ATXN2L: variants seen among roughly 807,000 people sequenced by gnomAD.
ATXN2L encodes ataxin 2 like.
A neutral mutation model predicts 120.7 loss-of-function variants in ATXN2L; 24 were observed. That is an observed-to-expected ratio of 0.20 (90% CI 0.14 to 0.28). The LOEUF (loss-of-function observed/expected upper bound fraction) is 0.28, where lower values mean the gene tolerates loss of function less well. ATXN2L is among the 10% of genes least tolerant of loss of function. ATXN2L has a pLI of 1.00. For synonymous variants in ATXN2L, 653 were observed against 568.1 expected (o/e 1.15, Z -2.13); for missense variants, 1,312 against 1,432.3 (o/e 0.92, Z 1.36).
chr16:28,832,152 C>T, intron 10 of ATXN2L, 53 bp from the exon 11 acceptor site: 2 of 1,579,114 alleles, frequency 1.3e-6, no homozygotes, highest in Non-Finnish European at 8.7e-7. Context: ...GGCCCTTGTA[C>T]TCACTGCTGT....
chr16:28,836,393 C>T lies in ATXN2L; in HGVS notation c.*128C>T. On this transcript the variant is annotated 3_prime_UTR_variant, in exon 22 of 22. Transcript: ENST00000336783. The stretch of plus-strand genomic sequence containing the variant: ...TTGCTCCTGGCTCTGTCCTTTGCTT[C>T]CCTCCGTCCTCGCTCAGTTGTGATC... 1 of 1,613,532 alleles carries T rather than the reference C, an allele frequency of 6.2e-7. No individual in the cohort carries two copies. Among genetic ancestry groups the T allele is most frequent in the Non-Finnish European group, 8.5e-7 (1 of 1,179,932 alleles).
At chr16:28,834,003 T>G in intron 15 of ATXN2L, 62 bp from the exon 16 acceptor site, 2 of 1,551,276 alleles carry the variant, frequency 1.3e-6, no homozygotes, top group South Asian at 2.3e-5. Context: ...ATTACCACTC[T>G]AGGCATGGCC....
rs573609543 is a variant in ATXN2L at position 28,835,365 on chromosome 16, C to T, written c.2651C>T (p.Pro884Leu). 5.6e-6 allele frequency: 9 copies of T among 1,613,204 alleles called. No homozygotes were observed. Among genetic ancestry groups the T allele is most frequent in the Admixed American group, 1.7e-5 (1 of 59,998 alleles). ...QPATTPTGSQPQSQHAAPSPV... is the reference protein window; with the variant it reads ...QPATTPTGSQLQSQHAAPSPV... Reference sequence around the variant, plus strand: ...GCTACCACGCCTACTGGAAGCCAGCCGCAGTCCCAGCATGCGGCCCCCAGT... The same window carrying T: ...GCTACCACGCCTACTGGAAGCCAGCTGCAGTCCCAGCATGCGGCCCCCAGT... Residue 884 changes from proline (P) to leucine (L), a missense_variant, in exon 20 of 22, where the codon CCG becomes CTG. Physicochemically the swap from Pro to Leu is moderately conservative, Grantham distance 98. Transcript: ENST00000336783.
At chr16:28,832,446 T>A (rs1315691702) in intron 11 of ATXN2L, 47 bp downstream of exon 11, 1 of 1,612,370 alleles carries the variant, frequency 6.2e-7, no homozygotes, top group South Asian at 1.1e-5. Flanking sequence ...TTAGTGTGAT[T>A]TGTGGTTCTG....
In ATXN2L at chr16:28,834,487, T is replaced by TC; in HGVS notation, c.2246-18dup. On this transcript the variant is annotated intron_variant, in intron 17 of 21. Coordinates refer to ENST00000336783, the MANE Select transcript of ATXN2L (RefSeq NM_007245.4). ...CTGGCAGGTGGAGCTTGAGCTCTCCTCTCCTCCTCCTCTTCCAGGCTCCCT... is the reference window on the plus strand; with the variant it reads ...CTGGCAGGTGGAGCTTGAGCTCTCCTCCTCCTCCTCCTCTTCCAGGCTCCCT... 2 of 1,612,746 alleles carry TC rather than the reference T, an allele frequency of 1.2e-6. No individual in the cohort carries two copies. The highest frequency in any genetic ancestry group is 1.7e-6 in the Non-Finnish European group (2 of 1,179,616).
intron 16 of ATXN2L, 53 bp from the exon 17 acceptor site, chr16:28,834,290 G>T (rs751261209): frequency 3.1e-5 from 50 of 1,611,954 alleles, no homozygotes; most frequent in Non-Finnish European, 4.1e-5. Flanking sequence ...GGTCAGGCCT[G>T]TCTGGGCATT....
In ATXN2L at chr16:28,837,040, G is replaced by A; in HGVS notation, c.*775G>A. 1 of 657,294 alleles carries A rather than the reference G, an allele frequency of 1.5e-6. No individual in the cohort carries two copies. Among genetic ancestry groups the A allele is most frequent in the South Asian group, 1.5e-5 (1 of 65,770 alleles). 40.7% of individuals were successfully genotyped at this position (657,294 alleles called of 1,614,324 possible). On this transcript the variant is annotated 3_prime_UTR_variant, in exon 22 of 22. Transcript: ENST00000336783. Reference sequence around the variant, plus strand: ...CATCCTCTCATCTATTCCCCCGCTGGAGACGGAAGATCTTTTATTTTCTAT... The same window carrying A: ...CATCCTCTCATCTATTCCCCCGCTGAAGACGGAAGATCTTTTATTTTCTAT...
At position 28,823,156 on chromosome 16, in the gene ATXN2L, C is replaced by T; in HGVS notation, c.-104C>T. 1.3e-6 allele frequency: 1 copy of T among 740,986 alleles called. No individual in the cohort carries two copies. The highest frequency in any genetic ancestry group is 1.9e-6 in the Non-Finnish European group (1 of 537,760). 45.9% of individuals were successfully genotyped at this position (740,986 alleles called of 1,614,324 possible). A position where few individuals can be genotyped will look rare whatever the true frequency, so the allele number is the denominator to read the frequency against. ...CCCCCCGCCCGCCCACGGCGGGCCC[C>T]GGCTGCCCGATCCCCCTCGCTTCCC... On this transcript the variant is annotated 5_prime_UTR_variant, in exon 1 of 22. Coordinates refer to ENST00000336783, the MANE Select transcript of ATXN2L (RefSeq NM_007245.4).
intron 6 of ATXN2L, among the ~76,000 whole-genome samples, chr16:28,828,757 G>GT (rs948858285): frequency 1.1e-4 from 17 of 150,762 alleles, no homozygotes; most frequent in Admixed American, 5.3e-4. Context: ...TTTTGTTTTT[G>GT]TTTTTTTTGG....
chr16:28,825,150 G>C (rs2051375479), intron 1 of ATXN2L, among the ~76,000 whole-genome samples: 1 of 151,942 alleles, frequency 6.6e-6, no homozygotes, highest in Non-Finnish European at 1.5e-5. Context: ...CTTGGAGGTT[G>C]AGGCTACAGT....
chr16:28,827,201 A>G (rs1257423421), intron 6 of ATXN2L, among the ~76,000 whole-genome samples: 2 of 152,230 alleles, frequency 1.3e-5, no homozygotes, highest in South Asian at 2.1e-4. Context: ...TGGGAGGCCA[A>G]GGCCGGTGGG....
rs1234648230 is a variant in ATXN2L, at chr16:28,830,804, T to C, written c.1210+14T>C. 1 of 1,577,366 alleles carries C rather than the reference T, an allele frequency of 6.3e-7. No homozygotes were observed. Among genetic ancestry groups the C allele is most frequent in the Non-Finnish European group, 8.6e-7 (1 of 1,162,628 alleles). The stretch of plus-strand genomic sequence containing the variant: ...GTATCAATGGAGGTGAGTTATGAGG[T>C]GACTTTGAGGAAGAGGGCAGGGAAG... On this transcript the variant is annotated intron_variant, in intron 9 of 21. Coordinates refer to ENST00000336783, the MANE Select transcript of ATXN2L (RefSeq NM_007245.4).
Position 28,836,837 on chromosome 16 carries a change from C to CT in ATXN2L, c.*574dup. 1 of 1,604,880 alleles carries CT rather than the reference C, an allele frequency of 6.2e-7. No homozygotes were observed. The highest frequency in any genetic ancestry group is 8.5e-7 in the Non-Finnish European group (1 of 1,172,856). On this transcript the variant is annotated 3_prime_UTR_variant, in exon 22 of 22. Coordinates refer to ENST00000336783, the MANE Select transcript of ATXN2L (RefSeq NM_007245.4). ...GTGGAGGGAAGAGTGATCTATGTCT[C>CT]TTCCCCCAGCAGCTCGGACCACTCC... is the stretch of plus-strand genomic sequence containing the variant.
chr16:28,828,607 T>A (rs1184207634), intron 6 of ATXN2L, among the ~76,000 whole-genome samples: 1 of 150,890 alleles, frequency 6.6e-6, no homozygotes, highest in Non-Finnish European at 1.5e-5. Context: ...AAAAAAAAAA[T>A]TGCAGTTATT....
chr16:28,825,462 A>AAT (rs1322993471), intron 2 of ATXN2L, 60 bp downstream of exon 2: 1 of 1,574,842 alleles, frequency 6.3e-7, no homozygotes, highest in East Asian at 2.2e-5. Flanking sequence ...ATAATGTGGG[A>AAT]ATATAGGGCA....
chr16:28,824,068 G>C (rs1230252860), intron 1 of ATXN2L: 3 of 1,002,456 alleles, frequency 3.0e-6, no homozygotes, highest in South Asian at 7.2e-5. Flanking sequence ...TAGGAGGGGA[G>C]CGAGGTGGGC....
In ATXN2L at chr16:28,826,220, G is replaced by C. The variant is rs764305139; in HGVS notation, c.466-20G>C. ...TTTCTTGAAACTGACCCATGGGTGT[G>C]GGGAATGGGGTGTTTGTAGTTTGAA... On this transcript the variant is annotated intron_variant, in intron 4 of 21. Transcript: ENST00000336783. 1.9e-6 allele frequency: 3 copies of C among 1,612,660 alleles called. No homozygotes were observed. The Admixed American group carries it at 5.0e-5, about 27-fold the overall frequency.
In ATXN2L at chr16:28,837,135, C is replaced by G; in HGVS notation, c.*870C>G. On this transcript the variant is annotated 3_prime_UTR_variant, in exon 22 of 22. Transcript: ENST00000336783. Reference sequence around the variant, plus strand: ...TAACTTGAGTGACCTGTGTGAGAGACAGACAGATGCCCCACGAGGATGGCT... The same window carrying G: ...TAACTTGAGTGACCTGTGTGAGAGAGAGACAGATGCCCCACGAGGATGGCT... 1 of 381,656 alleles carries G rather than the reference C, an allele frequency of 2.6e-6. No homozygotes were observed. Among genetic ancestry groups the G allele is most frequent in the Admixed American group, 3.5e-5 (1 of 28,286 alleles). The allele number at this position is 381,656 out of a possible 1,614,324, so 23.6% of individuals were successfully genotyped here. A position where few individuals can be genotyped will look rare whatever the true frequency, so the allele number is the denominator to read the frequency against.
At chr16:28,827,169 C>T (rs555281170) in intron 6 of ATXN2L, among the ~76,000 whole-genome samples, 183 bp downstream of exon 6, 5 of 152,336 alleles carry the variant, frequency 3.3e-5, no homozygotes, top group African/African-American at 1.2e-4. Context: ...TGCAGTGGCT[C>T]ATGTTTGTAA....
Sources: allele counts gnomAD v4.1 joint callset (sites outside exome capture counted in the v4.1 genomes callset), GRCh38; gene constraint gnomAD v4.1.1; transcripts MANE v1.5; gene names NCBI Gene and HGNC (gene_info 2026-07-23, HGNC 2026-07-21).